Variants in IFIH1 observed in about 807,000 individuals in gnomAD.
IFIH1 encodes interferon-induced helicase C domain-containing protein 1.
Under a neutral mutation model 107.4 loss-of-function variants are expected in IFIH1, and 125 were observed. That is an observed-to-expected ratio of 1.16 (90% CI 1.01 to 1.35). IFIH1 has a LOEUF of 1.35. Ranked by LOEUF, IFIH1 falls within the 40% of genes most tolerant of loss-of-function variation. The pLI is 0.00. For synonymous variants in IFIH1, 458 were observed against 413.2 expected, an observed-to-expected ratio of 1.11 and a Z score of -1.31; for missense variants, 1,333 against 1,213.7, an observed-to-expected ratio of 1.10 and a Z score of -1.46.
In IFIH1 at chr2:162,281,613, C is replaced by T. The variant is rs928072201; in HGVS notation, c.1307-68G>A. 1.0e-5 allele frequency: 12 copies of T among 1,190,144 alleles called. No individual in the cohort carries two copies. In the African/African-American group the frequency reaches 1.7e-4, roughly 17 times the overall value. 73.7% of individuals were successfully genotyped at this position (1,190,144 alleles called of 1,614,324 possible). A position where few individuals can be genotyped will look rare whatever the true frequency, so the allele number is the denominator to read the frequency against. ...ACTACAGTGAGAAAATAGCTTTAGA[C>T]CAGTAATTGAGCTGCCTTGGGGATG... On this transcript the variant is annotated intron_variant, in intron 6 of 15. Transcript: ENST00000649979.
In IFIH1 at chr2:162,276,956, A is replaced by T; in HGVS notation, c.2045-10T>A. On this transcript the variant is annotated splice_polypyrimidine_tract_variant and intron_variant, in intron 10 of 15. Coordinates refer to ENST00000649979, the MANE Select transcript of IFIH1 (RefSeq NM_022168.4). ...AACATTTTATTGTTTTCTTTAAGAA[A>T]TAATTAGAGTTGATATGTTAACAAG... The T allele has an allele frequency of 3.2e-6, 5 of 1,585,340 alleles. No homozygotes were observed. The highest frequency in any genetic ancestry group is 3.4e-6 in the Non-Finnish European group (4 of 1,167,334).
Position 162,304,092 on chromosome 2 carries a change from C to A in IFIH1, c.769+2617G>T, listed in dbSNP as rs537488250. Among the ~76,000 whole-genome samples the A allele has an allele frequency of 1.2e-3, 182 of 151,880 alleles. 1 individual carries two copies. The highest frequency in any genetic ancestry group is 3.4e-3 in the African/African-American group (140 of 41,414). On this transcript the variant is annotated intron_variant, in intron 3 of 15. Coordinates refer to ENST00000649979, the MANE Select transcript of IFIH1 (RefSeq NM_022168.4). ...CTCAAATGAAAAACAACAACAACAACAAAAAAAACTATCCTGTATAAGCTT... is the reference window on the plus strand; with the variant it reads ...CTCAAATGAAAAACAACAACAACAAAAAAAAAAACTATCCTGTATAAGCTT...
At chr2:162,302,824 A>G (rs16846600) in intron 3 of IFIH1, among the ~76,000 whole-genome samples, 20,106 of 152,204 alleles carry the variant, frequency 0.13, 3,082 homozygotes, top group African/African-American at 0.35. Context: ...ACTCTTTGCT[A>G]GTGCTCTGGA....
At chr2:162,274,476 A>G (rs1691112612) in intron 11 of IFIH1, among the ~76,000 whole-genome samples, 1 of 152,182 alleles carries the variant, frequency 6.6e-6, no homozygotes, top group Non-Finnish European at 1.5e-5. Context: ...AGAAACTGAA[A>G]ACATCAGCTG....
In IFIH1 at chr2:162,288,164, G is replaced by T. The variant is rs150317197; in HGVS notation, c.1066C>A (p.Pro356Thr). 1.3e-3 allele frequency: 2,175 copies of T among 1,611,748 alleles called. 1 individual carries two copies. The highest frequency in any genetic ancestry group is 1.7e-3 in the Non-Finnish European group (2,035 of 1,178,680). Residue 356 changes from proline (P) to threonine (T), a missense_variant, in exon 5 of 16, where the codon CCT becomes ACT. Pro to Thr is a conservative substitution (Grantham distance 38). Coordinates refer to ENST00000649979, the MANE Select transcript of IFIH1 (RefSeq NM_022168.4). ...HLDKKKKASE[P>T]GKVIVLVNKV... ...TTGACAAGAACTATAACTTTTCCAGGCTCAGATGCTTTTTTCTTCTTGTCT... is the reference window on the plus strand; with the variant it reads ...TTGACAAGAACTATAACTTTTCCAGTCTCAGATGCTTTTTTCTTCTTGTCT...
Position 162,318,366 on chromosome 2 carries a change from G to T in IFIH1, c.-59C>A. 2 of 1,419,208 alleles carry T rather than the reference G, an allele frequency of 1.4e-6. No individual in the cohort carries two copies. Among genetic ancestry groups the T allele is most frequent in the Non-Finnish European group, 2.0e-6 (2 of 1,018,864 alleles). 87.9% of individuals were successfully genotyped at this position (1,419,208 alleles called of 1,614,324 possible). On this transcript the variant is annotated 5_prime_UTR_variant, in exon 1 of 16. Coordinates refer to ENST00000649979, the MANE Select transcript of IFIH1 (RefSeq NM_022168.4). Reference sequence around the variant, plus strand: ...AAGCAGATGGTGCTGTTGTCTGCGGGACAGGTGAAATGTGCGTGCCGCTGT... The same window carrying T: ...AAGCAGATGGTGCTGTTGTCTGCGGTACAGGTGAAATGTGCGTGCCGCTGT...
At chr2:162,299,245 G>A (rs538266625) in intron 3 of IFIH1, among the ~76,000 whole-genome samples, 2 of 152,194 alleles carry the variant, frequency 1.3e-5, no homozygotes, top group Non-Finnish European at 2.9e-5. Context: ...TCAGTTAATA[G>A]TGAGAAGCCA....
At chr2:162,314,184 C>T (rs551568604) in intron 1 of IFIH1, among the ~76,000 whole-genome samples, 16 of 152,214 alleles carry the variant, frequency 1.1e-4, no homozygotes, top group Admixed American at 5.9e-4. Context: ...GTAACAATGC[C>T]AAATTGTAAC....
chr2:162,281,557 A>G lies in IFIH1; in HGVS notation c.1307-12T>C. ...AATGAGGGAAAAGTCTTAAAAGAAAATTCAAAGAGTTCATTTCTCCATATC... is the reference window on the plus strand; with the variant it reads ...AATGAGGGAAAAGTCTTAAAAGAAAGTTCAAAGAGTTCATTTCTCCATATC... On this transcript the variant is annotated splice_polypyrimidine_tract_variant and intron_variant, in intron 6 of 15. Transcript: ENST00000649979. 1 of 1,577,228 alleles carries G rather than the reference A, an allele frequency of 6.3e-7. No homozygotes were observed.
In IFIH1 at chr2:162,280,332, T is replaced by C. The variant is rs550180096; in HGVS notation, c.1525-220A>G. Among the ~76,000 whole-genome samples the C allele has an allele frequency of 2.2e-4, 34 of 152,154 alleles. 1 individual carries two copies. In the South Asian group the frequency reaches 6.6e-3, roughly 30 times the overall value. On this transcript the variant is annotated intron_variant, in intron 7 of 15. Transcript: ENST00000649979. ...ATTAACCCACAATCAGCAACATTTG[T>C]CCTAATATAGGAAAAAGGAGCTTCT...
intron 13 of IFIH1, among the ~76,000 whole-genome samples, chr2:162,268,748 C>A (rs1365469243): frequency 1.3e-5 from 2 of 152,098 alleles, no homozygotes; most frequent in Admixed American, 1.3e-4. Context: ...TGCCACCATG[C>A]TCAGCTAATT....
intron 2 of IFIH1, among the ~76,000 whole-genome samples, chr2:162,308,999 T>A (rs748129118): frequency 1.2e-4 from 18 of 152,206 alleles, no homozygotes; most frequent in Non-Finnish European, 2.2e-4. Context: ...TGAAACCAGT[T>A]GAGCTACATG....
At chr2:162,316,434 A>G (rs1378862129) in intron 1 of IFIH1, among the ~76,000 whole-genome samples, 1 of 152,234 alleles carries the variant, frequency 6.6e-6, no homozygotes, top group Non-Finnish European at 1.5e-5. Flanking sequence ...AACGACATAA[A>G]CATTACAGAC....
In IFIH1 at chr2:162,277,685, C is replaced by T. The variant is rs1025854546; in HGVS notation, c.1774G>A (p.Glu592Lys). ...AIQMEKKAAK[E>K]GNRKERVCAE... ...CAAACACGTTCTTTGCGATTTCCTT[C>T]TTTTGCAGCTGTGAAAAAATATATT... is the stretch of plus-strand genomic sequence containing the variant. The change falls in exon 10 of 16, where the codon GAA becomes AAA. Residue 592 changes from glutamate to lysine, a missense_variant. Coordinates refer to ENST00000649979, the MANE Select transcript of IFIH1 (RefSeq NM_022168.4). 5 of 1,601,830 alleles carry T rather than the reference C, an allele frequency of 3.1e-6. No individual in the cohort carries two copies. Among genetic ancestry groups the T allele is most frequent in the Non-Finnish European group, 4.3e-6 (5 of 1,174,626 alleles).
chr2:162,309,052 C>T (rs10201057), intron 2 of IFIH1, among the ~76,000 whole-genome samples: 14,156 of 152,156 alleles, frequency 0.093, 2,232 homozygotes, highest in African/African-American at 0.32. Flanking sequence ...ATAGGATGGA[C>T]GTCTTATTCC....
rs35667974 is a variant in IFIH1 at position 162,268,127 on chromosome 2, T to C, written c.2767A>G (p.Ile923Val). The change falls in exon 14 of 16, where the codon ATT (isoleucine) becomes GTT (valine). Residue 923 changes from isoleucine to valine, a missense_variant. Transcript: ENST00000649979. ...ATATTGACGTGATGCATTTTCTCAA[T>C]TACATGGATATCTTCCCCAGAACAG... ...LACSGEDIHV[I>V]EKMHHVNMTP... The C allele has an allele frequency of 0.016, 26,390 of 1,609,266 alleles. 279 individuals carry two copies. The highest frequency in any genetic ancestry group is 0.02 in the Non-Finnish European group (23,643 of 1,178,202).
chr2:162,297,665 G>C (rs890442053), intron 3 of IFIH1, among the ~76,000 whole-genome samples: 1 of 151,870 alleles, frequency 6.6e-6, no homozygotes, highest in Non-Finnish European at 1.5e-5. Context: ...TTTCCTCTAG[G>C]GAAAATATCA....
In IFIH1 at chr2:162,281,180, A is replaced by T. The variant is rs1007213762; in HGVS notation, c.1524+148T>A. 3 of 606,776 alleles carry T rather than the reference A, an allele frequency of 4.9e-6. No individual in the cohort carries two copies. In the East Asian group the frequency reaches 8.3e-5, roughly 17 times the overall value. The allele number at this position is 606,776 out of a possible 1,614,324, so 37.6% of individuals were successfully genotyped here. Reference sequence around the variant, plus strand: ...AAGGCATATTAGTATTCTGTAGAAGACTGAGTATATTTATTGTACTAAAGC... The same window carrying T: ...AAGGCATATTAGTATTCTGTAGAAGTCTGAGTATATTTATTGTACTAAAGC... On this transcript the variant is annotated intron_variant, in intron 7 of 15. Transcript: ENST00000649979.
At chr2:162,277,954 T>C (rs188386094) in intron 9 of IFIH1, among the ~76,000 whole-genome samples, 37 of 152,270 alleles carry the variant, frequency 2.4e-4, no homozygotes, top group African/African-American at 7.2e-4. Context: ...TAGTTGAGTT[T>C]GCCTTTGGAG....
Sources: gnomAD v4.1 joint callset for allele counts (sites outside exome capture counted in the v4.1 genomes callset) on GRCh38, gnomAD v4.1.1 for gene constraint, MANE v1.5 for transcripts, NCBI Gene and HGNC (gene_info 2026-07-23, HGNC 2026-07-21) for gene names.